GNL3L: variants seen among roughly 807,000 people sequenced by gnomAD.
GNL3L encodes guanine nucleotide-binding protein-like 3-like protein.
Under a neutral mutation model 42.9 loss-of-function variants are expected in GNL3L, and 4 were observed. That is an observed-to-expected ratio of 0.09 (90% CI 0.05 to 0.21). The LOEUF is 0.21. GNL3L is among the 10% of genes least tolerant of loss of function. GNL3L has a pLI of 1.00. For missense variants in GNL3L, 412 were observed against 481.7 expected (o/e 0.86, Z 1.36); for synonymous variants, 159 against 176.3 (o/e 0.90, Z 0.78).
intron 14 of GNL3L, 21 bp downstream of exon 14, chrX:54,554,713 T>C (rs1048510283): frequency 4.2e-6 from 5 of 1,192,503 alleles, no homozygotes; most frequent in African/African-American, 1.8e-5. Context: ...TCTTTGTTCA[T>C]GGCAACCCTC....
At chrX:54,542,751 C>T (rs1303750046) in intron 5 of GNL3L, among the ~76,000 whole-genome samples, 1 of 111,671 alleles carries the variant, frequency 9.0e-6, no homozygotes, top group Non-Finnish European at 1.9e-5. Flanking sequence ...ACATCCTCTC[C>T]AGCACCTGTT....
At chrX:54,593,473 C>T (rs1925893927) in intron 16 of GNL3L, among the ~76,000 whole-genome samples, 1 of 110,521 alleles carries the variant, frequency 9.0e-6, no homozygotes, top group Non-Finnish European at 1.9e-5. Flanking sequence ...GTAATATCTC[C>T]TTTTTCATCT....
At chrX:54,642,615 A>G in the GNL3L span, among the ~76,000 whole-genome samples, 1 of 110,991 alleles carries the variant, frequency 9.0e-6, no homozygotes, top group Non-Finnish European at 1.9e-5. Flanking sequence ...TTGCTTTTCC[A>G]GTGGCTGGCT....
chrX:54,636,733 C>G, the GNL3L span, among the ~76,000 whole-genome samples: 1 of 112,087 alleles, frequency 8.9e-6, no homozygotes, highest in African/African-American at 3.2e-5. Context: ...CAGTATTCCA[C>G]AGTATATATG....
chrX:54,550,860 C>G (rs987142380), intron 9 of GNL3L, 103 bp from the exon 10 acceptor site: 6 of 528,147 alleles, frequency 1.1e-5, no homozygotes, highest in Admixed American at 8.7e-5. Flanking sequence ...TTTGGCTTCC[C>G]CATGGCCTGG....
intron 9 of GNL3L, among the ~76,000 whole-genome samples, chrX:54,549,163 C>G (rs979455585): frequency 9.0e-6 from 1 of 111,627 alleles, no homozygotes; most frequent in Non-Finnish European, 1.9e-5. Context: ...GGGATAGAGA[C>G]AGATTCAGAG....
At chrX:54,633,772 A>G in the GNL3L span, among the ~76,000 whole-genome samples, 1 of 112,365 alleles carries the variant, frequency 8.9e-6, no homozygotes, top group Non-Finnish European at 1.9e-5. Flanking sequence ...CCAACAGCCA[A>G]CAGAGCTGAA....
chrX:54,619,017 G>A (rs1345058746), intron 16 of GNL3L, among the ~76,000 whole-genome samples: 1 of 112,136 alleles, frequency 8.9e-6, no homozygotes, highest in Admixed American at 9.5e-5. Context: ...CCTAGGGTTA[G>A]TGAGGGGAAA....
rs1182536216 is a variant in GNL3L at position 54,607,000 on chromosome X, CTTTCTTT to C, written c.*46-13844_*46-13838del. On this transcript the variant is annotated intron_variant, in intron 16 of 16. Coordinates refer to the GNL3L transcript ENST00000674498. ...TTCTTTCTTTCCTTTCCTTTCCTTT[CTTTCTTT>C]CTTTCTTTCTTTCTTTCTTTCTTTC... is the stretch of plus-strand genomic sequence containing the variant. Among the ~76,000 whole-genome samples the C allele has an allele frequency of 5.4e-3, 129 of 23,748 alleles. 1 individual carries two copies. Among genetic ancestry groups the C allele is most frequent in the Non-Finnish European group, 8.5e-3 (98 of 11,575 alleles). 20.6% of individuals were successfully genotyped at this position (23,748 alleles called of 115,157 possible).
intron 16 of GNL3L, among the ~76,000 whole-genome samples, chrX:54,620,641 T>A (rs766793916): frequency 1.2e-3 from 137 of 112,291 alleles, no homozygotes; most frequent in African/African-American, 4.2e-3. Flanking sequence ...TCCTTTTTTT[T>A]AAGTACATGC....
chrX:54,619,171 T>C (rs1484419876), intron 16 of GNL3L, among the ~76,000 whole-genome samples: 1 of 111,462 alleles, frequency 9.0e-6, no homozygotes, highest in Non-Finnish European at 1.9e-5. Context: ...AGTATATATA[T>C]ATACAAAGAC....
chrX:54,580,449 G>A (rs191643056), intron 16 of GNL3L, among the ~76,000 whole-genome samples: 124 of 110,464 alleles, frequency 1.1e-3, no homozygotes, highest in Middle Eastern at 4.6e-3. Context: ...GAATAGTGCC[G>A]CAATAAACAT....
chrX:54,622,273 ATTTTTTTTTTTTT>A (rs773487259), downstream of GNL3L, among the ~76,000 whole-genome samples: 4 of 59,000 alleles, frequency 6.8e-5, no homozygotes, highest in Non-Finnish European at 1.1e-4. Context: ...AGTTGCAGGA[ATTTTTTTTTTTTT>A]TTTTTTTTTT....
At chrX:54,614,453 A>G (rs1338643083) in intron 16 of GNL3L, among the ~76,000 whole-genome samples, 1 of 110,765 alleles carries the variant, frequency 9.0e-6, no homozygotes, top group African/African-American at 3.3e-5. Context: ...TTGCCTGTTC[A>G]AATTGTTACA....
chrX:54,530,322 C>T lies in GNL3L; in HGVS notation c.-145C>T, dbSNP rs957634022. 2 of 110,841 alleles carry T rather than the reference C, an allele frequency of 1.8e-5. No homozygotes were observed. Among genetic ancestry groups the T allele is most frequent in the African/African-American group, 3.3e-5 (1 of 30,716 alleles). 9.1% of individuals were successfully genotyped at this position (110,841 alleles called of 1,213,427 possible). On this transcript the variant is annotated 5_prime_UTR_variant, in exon 1 of 16. Transcript: ENST00000360845. ...GGAAGTGTAAGTAAGAAACTTCTCT[C>T]CTCTTTTCTCACAATGTGCGCTCAC...
At chrX:54,567,683 C>G (rs755714519), downstream of GNL3L, among the ~76,000 whole-genome samples, 2 of 110,071 alleles carry the variant, frequency 1.8e-5, no homozygotes, top group African/African-American at 6.6e-5. Context: ...ACAGGCATCC[C>G]TGTCTTGTTT....
At chrX:54,536,782 C>A (rs1191580833) in intron 2 of GNL3L, among the ~76,000 whole-genome samples, 1 of 59,906 alleles carries the variant, frequency 1.7e-5, no homozygotes. Flanking sequence ...GAGACTTTGT[C>A]TCAAAAAAAA....
At chrX:54,531,624 T>C (rs943114225) in intron 1 of GNL3L, among the ~76,000 whole-genome samples, 1 of 111,415 alleles carries the variant, frequency 9.0e-6, no homozygotes, top group Non-Finnish European at 1.9e-5. Flanking sequence ...CCACCTTCCA[T>C]AGAAGGGTCC....
At chrX:54,546,969 A>G in intron 8 of GNL3L, among the ~76,000 whole-genome samples, 1 of 109,009 alleles carries the variant, frequency 9.2e-6, no homozygotes, top group Non-Finnish European at 1.9e-5. Flanking sequence ...GATGGCAAAA[A>G]TAGAAGCCGC....
Sources: gnomAD v4.1 joint callset for allele counts (sites outside exome capture counted in the v4.1 genomes callset) on GRCh38, gnomAD v4.1.1 for gene constraint, MANE v1.5 for transcripts, NCBI Gene and HGNC (gene_info 2026-07-23, HGNC 2026-07-21) for gene names.